The following OR2T10 variants were observed in gnomAD, a reference collection of about 807,000 sequenced individuals.
OR2T10 encodes the protein olfactory receptor 2T10.
For missense variants in OR2T10, 335 were observed against 382.5 expected (o/e 0.88, Z 1.04); for synonymous variants, 125 against 141.8 (o/e 0.88, Z 0.84).
At position 248,593,388 on chromosome 1, in the gene OR2T10, G is replaced by A. The variant is rs1660044540; in HGVS notation, c.381C>T (p.Cys127=). The change falls in exon 2 of 2, where the codon TGC becomes TGT. Residue 127 remains cysteine (C), a synonymous_variant. Transcript: ENST00000642090. ...TGAGCACAGAGTAACGGAGAGGATG[G>A]CAGATAGCCACATAGCGGTCATAGG... The part of the protein sequence containing the change: ...AMAYDRYVAI[C]HPLRYSVLMS... 1.3e-6 allele frequency: 2 copies of A among 1,572,686 alleles called. 1 individual carries two copies.
In OR2T10 at chr1:248,593,070, A is replaced by C; in HGVS notation, c.699T>G (p.Gly233=). The C allele has an allele frequency of 6.4e-7, 1 of 1,571,802 alleles. No homozygotes were observed. The highest frequency in any genetic ancestry group is 8.7e-7 in the Non-Finnish European group (1 of 1,156,008). Reference sequence around the variant, plus strand: ...AGCAGGTGGTGAAGGCCTTTTTCCGACCCTCAACTGAGTTCATCTTATGGA... The same window carrying C: ...AGCAGGTGGTGAAGGCCTTTTTCCGCCCCTCAACTGAGTTCATCTTATGGA... The part of the protein sequence containing the change: ...LTIHKMNSVE[G]RKKAFTTCSS... Residue 233 remains glycine, a synonymous_variant, in exon 2 of 2, where the codon GGT becomes GGG. Coordinates refer to ENST00000642090, the MANE Select transcript of OR2T10 (RefSeq NM_001004693.2).
In OR2T10 at chr1:248,590,998, T is replaced by C. The variant is rs1377320576; in HGVS notation, c.*1832A>G. 7.0e-6 allele frequency: 1 copy of C among 143,830 alleles called. No individual in the cohort carries two copies. Among genetic ancestry groups the C allele is most frequent in the Non-Finnish European group, 1.5e-5 (1 of 66,384 alleles). 8.9% of individuals were successfully genotyped at this position (143,830 alleles called of 1,614,324 possible). On this transcript the variant is annotated 3_prime_UTR_variant, in exon 2 of 2. Coordinates refer to ENST00000642090, the MANE Select transcript of OR2T10 (RefSeq NM_001004693.2). ...ACTTTTGAGATAATTTTTCTATGGC[T>C]GAAGAATTTTATCCACTTTTGTTTG...
chr1:248,592,629 A>T lies in OR2T10; in HGVS notation c.*201T>A. ...TTGGCCCCGAAGGACTGGACTAGAG[A>T]TCAATGCTACGAGGGAAGGGGGGGA... On this transcript the variant is annotated 3_prime_UTR_variant, in exon 2 of 2. Transcript: ENST00000642090. The T allele has an allele frequency of 2.2e-6, 1 of 449,858 alleles. No individual in the cohort carries two copies. The highest frequency in any genetic ancestry group is 3.4e-5 in the South Asian group (1 of 29,356). The allele number at this position is 449,858 out of a possible 1,614,324, so 27.9% of individuals were successfully genotyped here.
intron 1 of OR2T10, 118 bp downstream of exon 1, chr1:248,597,369 AATTAT>A (rs1572090201): frequency 7.0e-6 from 1 of 142,806 alleles, no homozygotes. Context: ...TAATTTTACC[AATTAT>A]ATTTGCTGTA....
Position 248,597,427 on chromosome 1 carries a change from GATAAT to G in OR2T10, c.-29+60_-29+64del, listed in dbSNP as rs1337626115. 2.1e-5 allele frequency: 3 copies of G among 142,424 alleles called. 1 individual carries two copies. The highest frequency in any genetic ancestry group is 6.8e-5 in the Admixed American group (1 of 14,610). The allele number at this position is 142,424 out of a possible 1,614,324, so 8.8% of individuals were successfully genotyped here. On this transcript the variant is annotated intron_variant, in intron 1 of 1. Transcript: ENST00000642090. ...GTTACATTGGTGATTAATATCAATTGATAATATAATTCTATAATACATATATTATT... is the reference window on the plus strand; with the variant it reads ...GTTACATTGGTGATTAATATCAATTGATAATTCTATAATACATATATTATT...
rs1383781731 is a variant in OR2T10 at position 248,595,362 on chromosome 1, T to C, written c.-28-1566A>G. 4.2e-5 allele frequency among the ~76,000 whole-genome samples: 6 copies of C among 143,716 alleles called. 1 individual carries two copies. The highest frequency in any genetic ancestry group is 7.5e-5 in the Non-Finnish European group (5 of 66,362). 94.3% of individuals were successfully genotyped at this position (143,716 alleles called of 152,430 possible). A position where few individuals can be genotyped will look rare whatever the true frequency, so the allele number is the denominator to read the frequency against. ...TATTGCAGCTTTTCTTATGTAACCT[T>C]TTACATTGTAATGTACACTTTATAT... is the stretch of plus-strand genomic sequence containing the variant. On this transcript the variant is annotated intron_variant, in intron 1 of 1. Coordinates refer to ENST00000642090, the MANE Select transcript of OR2T10 (RefSeq NM_001004693.2).
At chr1:248,596,494 T>C (rs1337501795) in intron 1 of OR2T10, among the ~76,000 whole-genome samples, 1 of 142,860 alleles carries the variant, frequency 7.0e-6, no homozygotes, top group Non-Finnish European at 1.5e-5. Context: ...GCCATGTAGT[T>C]CAAGCTACCG....
At position 248,593,095 on chromosome 1, in the gene OR2T10, A is replaced by T; in HGVS notation, c.674T>A (p.Ile225Asn). ...SVSYYYIILTIHKMNSVEGRK... is the reference protein window; with the variant it reads ...SVSYYYIILTNHKMNSVEGRK... ...ACCCTCAACTGAGTTCATCTTATGG[A>T]TGGTGAGGATGATATAGTAGTAAGA... is the stretch of plus-strand genomic sequence containing the variant. Residue 225 changes from isoleucine to asparagine, a missense_variant, in exon 2 of 2, where the codon ATC becomes AAC. Ile to Asn is a moderately radical substitution (Grantham distance 149). Coordinates refer to ENST00000642090, the MANE Select transcript of OR2T10 (RefSeq NM_001004693.2). 6.4e-7 allele frequency: 1 copy of T among 1,572,724 alleles called. No homozygotes were observed. Among genetic ancestry groups the T allele is most frequent in the Non-Finnish European group, 8.6e-7 (1 of 1,156,602 alleles).
Position 248,593,727 on chromosome 1 carries a change from C to A in OR2T10, c.42G>T (p.Leu14=). 6.4e-7 allele frequency: 1 copy of A among 1,566,248 alleles called. No homozygotes were observed. Among genetic ancestry groups the A allele is most frequent in the South Asian group, 1.1e-5 (1 of 88,586 alleles). The part of the protein sequence containing the change: ...ANQTLGGDFF[L]LGIFSQISHP... ...GTGAGATCTGGCTGAAGATTCCCAA[C>A]AGGAAAAAGTCACCACCCAGGGTCT... The change falls in exon 2 of 2, where the codon CTG becomes CTT. Residue 14 remains leucine (L), a synonymous_variant. Coordinates refer to ENST00000642090, the MANE Select transcript of OR2T10 (RefSeq NM_001004693.2).
rs1166837101 is a variant in OR2T10 at position 248,595,879 on chromosome 1, A to G, written c.-29+1613T>C. Among the ~76,000 whole-genome samples, 5 of 143,264 alleles carry G rather than the reference A, an allele frequency of 3.5e-5. 2 individuals carry two copies. Among genetic ancestry groups the G allele is most frequent in the African/African-American group, 1.4e-4 (5 of 36,380 alleles). The allele number at this position is 143,264 out of a possible 152,430, so 94.0% of individuals were successfully genotyped here. ...TGAAGCATATATCCAGCAGTGAAAC[A>G]GCATAGAGGCCCTGTCTCTCAGATA... On this transcript the variant is annotated intron_variant, in intron 1 of 1. Coordinates refer to ENST00000642090, the MANE Select transcript of OR2T10 (RefSeq NM_001004693.2).
At chr1:248,594,229 A>C (rs899148293) in intron 1 of OR2T10, among the ~76,000 whole-genome samples, 1 of 143,338 alleles carries the variant, frequency 7.0e-6, no homozygotes, top group Non-Finnish European at 1.5e-5. Flanking sequence ...AAGGATTAGT[A>C]ATACTTGTGT....
Position 248,597,472 on chromosome 1 carries a change from A to G in OR2T10, c.-29+20T>C, listed in dbSNP as rs1476526024. On this transcript the variant is annotated intron_variant, in intron 1 of 1. Coordinates refer to ENST00000642090, the MANE Select transcript of OR2T10 (RefSeq NM_001004693.2). ...CATATATTATTAAAAGTTAATAACA[A>G]TAAATTATTCCTTTCTTACTGGAAC... The G allele has an allele frequency of 2.1e-5, 3 of 143,194 alleles. 1 individual carries two copies. Among genetic ancestry groups the G allele is most frequent in the East Asian group, 4.0e-4 (2 of 4,986 alleles). 8.9% of individuals were successfully genotyped at this position (143,194 alleles called of 1,614,324 possible).
At position 248,593,685 on chromosome 1, in the gene OR2T10, G is replaced by T. The variant is rs1480656025; in HGVS notation, c.84C>A (p.Cys28Ter). Residue 28 changes from cysteine (C) to a stop codon, truncating the protein, a stop_gained, in exon 2 of 2, where the codon TGC becomes TGA. Transcript: ENST00000642090. LOFTEE classifies it low-confidence loss of function (END_TRUNC). ...TCAAAAATATACTGAAGATAAGCAA[G>T]CAGAGGCGGCCAGGGTGTGAGATCT... is the stretch of plus-strand genomic sequence containing the variant. The part of the protein sequence containing the change: ...FSQISHPGRL[C>*]LLIFSIFLMA... The T allele has an allele frequency of 1.2e-5, 18 of 1,562,642 alleles. 1 individual carries two copies. The highest frequency in any genetic ancestry group is 1.3e-5 in the Non-Finnish European group (15 of 1,150,226).
At chr1:248,595,776 G>C (rs1660080924) in intron 1 of OR2T10, among the ~76,000 whole-genome samples, 1 of 123,924 alleles carries the variant, frequency 8.1e-6, no homozygotes, top group Non-Finnish European at 1.6e-5. Flanking sequence ...AAATTCAGTG[G>C]AATTATTTAG....
In OR2T10 at chr1:248,593,077, A is replaced by G. The variant is rs201402953; in HGVS notation, c.692T>C (p.Val231Ala). 27 of 1,572,246 alleles carry G rather than the reference A, an allele frequency of 1.7e-5. 3 individuals carry two copies. In the African/African-American group the frequency reaches 3.0e-4, roughly 17 times the overall value. Residue 231 changes from valine (V) to alanine (A), a missense_variant, in exon 2 of 2, where the codon GTT becomes GCT. By Grantham distance (64) the Val-to-Ala change is moderately conservative. Coordinates refer to ENST00000642090, the MANE Select transcript of OR2T10 (RefSeq NM_001004693.2). ...GGTGAAGGCCTTTTTCCGACCCTCAACTGAGTTCATCTTATGGATGGTGAG... is the reference window on the plus strand; with the variant it reads ...GGTGAAGGCCTTTTTCCGACCCTCAGCTGAGTTCATCTTATGGATGGTGAG... ...IILTIHKMNS[V>A]EGRKKAFTTC... is the part of the protein sequence containing the mutation.
intron 1 of OR2T10, among the ~76,000 whole-genome samples, chr1:248,594,006 A>G (rs111554495): frequency 1.4e-5 from 2 of 142,592 alleles, no homozygotes; most frequent in Non-Finnish European, 3.0e-5. Flanking sequence ...CTCAATGAAG[A>G]GGTCCATACA....
At chr1:248,595,934 T>TA (rs1348430090) in intron 1 of OR2T10, among the ~76,000 whole-genome samples, 2 of 142,976 alleles carry the variant, frequency 1.4e-5, no homozygotes, top group African/African-American at 5.5e-5. Context: ...GAGAATCAGG[T>TA]AAACCGTTTC....
Position 248,592,759 on chromosome 1 carries a change from G to T in OR2T10, c.*71C>A, listed in dbSNP as rs2103087889. The T allele has an allele frequency of 1.1e-6, 1 of 929,548 alleles. No homozygotes were observed. Among genetic ancestry groups the T allele is most frequent in the East Asian group, 2.5e-5 (1 of 39,326 alleles). 57.6% of individuals were successfully genotyped at this position (929,548 alleles called of 1,614,324 possible). A position where few individuals can be genotyped will look rare whatever the true frequency, so the allele number is the denominator to read the frequency against. On this transcript the variant is annotated 3_prime_UTR_variant, in exon 2 of 2. Coordinates refer to ENST00000642090, the MANE Select transcript of OR2T10 (RefSeq NM_001004693.2). ...CAGACACTACCACAATATGCTGATTGTTTGGTGGAAGGACACCTAAAGTGA... is the reference window on the plus strand; with the variant it reads ...CAGACACTACCACAATATGCTGATTTTTTGGTGGAAGGACACCTAAAGTGA...
In OR2T10 at chr1:248,591,542, C is replaced by T. The variant is rs749430136; in HGVS notation, c.*1288G>A. 2.1e-5 allele frequency: 3 copies of T among 143,656 alleles called. No homozygotes were observed. Among genetic ancestry groups the T allele is most frequent in the African/African-American group, 5.5e-5 (2 of 36,496 alleles). The allele number at this position is 143,656 out of a possible 1,614,324, so 8.9% of individuals were successfully genotyped here. On this transcript the variant is annotated 3_prime_UTR_variant, in exon 2 of 2. Coordinates refer to ENST00000642090, the MANE Select transcript of OR2T10 (RefSeq NM_001004693.2). ...TTATGTAGTCATGGAAAGTTATCTT[C>T]GTATCCTTGTACTTACAGATAAAAA...
Sources: allele counts gnomAD v4.1 joint callset (sites outside exome capture counted in the v4.1 genomes callset), GRCh38; gene constraint gnomAD v4.1.1; transcripts MANE v1.5; gene names NCBI Gene and HGNC (gene_info 2026-07-23, HGNC 2026-07-21).